The following EWSR1 variants were observed in gnomAD, a reference collection of about 807,000 sequenced individuals.
The protein encoded by EWSR1 is EWS RNA binding protein 1.
Under a neutral mutation model 92.1 loss-of-function variants are expected in EWSR1, and 14 were observed. The ratio of observed to expected loss-of-function variants is 0.15; its 90% CI spans 0.10 to 0.24. EWSR1 has a LOEUF of 0.24. EWSR1 is among the 10% of genes least tolerant of loss of function. The pLI is 1.00. For missense variants in EWSR1, 637 were observed against 870.9 expected, an observed-to-expected ratio of 0.73 and a Z score of 3.38; for synonymous variants, 303 against 292.9, an observed-to-expected ratio of 1.03 and a Z score of -0.35.
At chr22:29,274,604 G>A (rs1210631214) in intron 4 of EWSR1, among the ~76,000 whole-genome samples, 1 of 152,126 alleles carries the variant, frequency 6.6e-6, no homozygotes, top group Admixed American at 6.5e-5. Context: ...TGCATGATGA[G>A]ATTTATTTAG....
intron 1 of EWSR1, chr22:29,269,306 A>G (rs1269794519): frequency 2.0e-5 from 3 of 152,234 alleles, no homozygotes; most frequent in African/African-American, 7.2e-5. Context: ...AGGTCGACAG[A>G]GGAGAGGGGA....
intron 13 of EWSR1, 94 bp from the exon 14 acceptor site, chr22:29,298,639 A>G (rs2061074237): frequency 1.4e-6 from 2 of 1,437,806 alleles, no homozygotes; most frequent in African/African-American, 2.8e-5. Context: ...TGACAGCAGT[A>G]GTATCTGTGG....
At chr22:29,292,390 AGATTTATGAT>A (rs1380350008) in intron 10 of EWSR1, 88 bp from the exon 11 acceptor site, 4 of 980,748 alleles carry the variant, frequency 4.1e-6, no homozygotes, top group Non-Finnish European at 6.4e-6. Context: ...TAGTTTTCTT[AGATTTATGAT>A]GAATATCCTT....
chr22:29,298,160 C>T (rs1409929888), intron 13 of EWSR1, among the ~76,000 whole-genome samples: 1 of 152,164 alleles, frequency 6.6e-6, no homozygotes, highest in Non-Finnish European at 1.5e-5. Context: ...TCCAGACTGC[C>T]ATTTATTCAG....
In EWSR1 at chr22:29,272,367, A is replaced by G; in HGVS notation, c.51-13A>G. Reference sequence around the variant, plus strand: ...GTTCTCTATTCAAGTTATTGCATTTAATTCTTTTGCAGCTACAGTGCTTAC... The same window carrying G: ...GTTCTCTATTCAAGTTATTGCATTTGATTCTTTTGCAGCTACAGTGCTTAC... On this transcript the variant is annotated splice_polypyrimidine_tract_variant and intron_variant, in intron 2 of 16. Transcript: ENST00000397938. 1 of 1,613,956 alleles carries G rather than the reference A, an allele frequency of 6.2e-7. No homozygotes were observed. The highest frequency in any genetic ancestry group is 8.5e-7 in the Non-Finnish European group (1 of 1,179,956).
intron 8 of EWSR1, chr22:29,291,011 C>T (rs1027272420): frequency 4.2e-6 from 1 of 236,736 alleles, no homozygotes; most frequent in Non-Finnish European, 8.3e-6. Context: ...TAAATCTATT[C>T]GTGCCCTGAG....
At chr22:29,286,611 C>T (rs1004554387) in intron 6 of EWSR1, among the ~76,000 whole-genome samples, 3 of 149,320 alleles carry the variant, frequency 2.0e-5, no homozygotes, top group African/African-American at 7.4e-5. Flanking sequence ...GGCATGAACC[C>T]GGGAGGCAGA....
rs1433627815 is a variant in EWSR1 at position 29,299,834 on chromosome 22, A to G, written c.1914A>G (p.Gly638=). Residue 638 remains glycine (G), a synonymous_variant, in exon 16 of 17, where the codon GGA becomes GGG. Coordinates refer to ENST00000397938, the MANE Select transcript of EWSR1 (RefSeq NM_005243.4). The part of the protein sequence containing the change: ...QMGGRRGGRG[G]PGKMDKGEHR... ...GAGGAAGAAGAGGAGGACGTGGAGG[A>G]CCTGGAAAAATGGATAAGTAAGTGC... 5.2e-6 allele frequency: 8 copies of G among 1,547,020 alleles called. No individual in the cohort carries two copies. The South Asian group carries it at 9.7e-5, about 19-fold the overall frequency.
chr22:29,274,357 G>A, intron 4 of EWSR1: 2 of 1,560,916 alleles, frequency 1.3e-6, no homozygotes, highest in South Asian at 1.1e-5. Flanking sequence ...AATCCTTTAG[G>A]TGTTTTCATT....
At chr22:29,290,524 G>C (rs777258654) in intron 8 of EWSR1, 1 of 1,599,494 alleles carries the variant, frequency 6.3e-7, no homozygotes, top group Non-Finnish European at 8.5e-7. Context: ...CATATGGAGA[G>C]GAAAAATATA....
chr22:29,268,413 G>C, intron 1 of EWSR1, 64 bp downstream of exon 1: 1 of 1,613,482 alleles, frequency 6.2e-7, no homozygotes, highest in East Asian at 2.2e-5. Context: ...GGGGTCGTTC[G>C]TCTCTGGGCT....
intron 4 of EWSR1, 38 bp downstream of exon 4, chr22:29,273,902 G>T (rs1191271654): frequency 1.2e-6 from 2 of 1,611,400 alleles, no homozygotes. Flanking sequence ...GGTCGTTCTG[G>T]CTAGGGCATT....
intron 9 of EWSR1, chr22:29,291,843 G>T: frequency 1.7e-6 from 1 of 578,276 alleles, no homozygotes. Context: ...TTTTAAATTT[G>T]GTTTATTTAG....
chr22:29,270,021 T>C lies in EWSR1; in HGVS notation c.13+1672T>C, dbSNP rs77107431. Reference sequence around the variant, plus strand: ...ATAAGTAATCTGGTCCTTAGTTTCCTTTCCTGTAAAATACAGAAGTTAGGC... The same window carrying C: ...ATAAGTAATCTGGTCCTTAGTTTCCCTTCCTGTAAAATACAGAAGTTAGGC... On this transcript the variant is annotated intron_variant, in intron 1 of 16. Coordinates refer to ENST00000397938, the MANE Select transcript of EWSR1 (RefSeq NM_005243.4). Among the ~76,000 whole-genome samples the C allele has an allele frequency of 7.7e-3, 1,169 of 152,326 alleles. 19 individuals carry two copies. Among genetic ancestry groups the C allele is most frequent in the African/African-American group, 0.026 (1,098 of 41,584 alleles).
intron 6 of EWSR1, among the ~76,000 whole-genome samples, chr22:29,286,450 AG>A (rs1172527032): frequency 6.6e-6 from 1 of 151,974 alleles, no homozygotes; most frequent in Non-Finnish European, 1.5e-5. Flanking sequence ...GCACTTTGGG[AG>A]GCCGAGGTGG....
chr22:29,287,198 A>AT (rs999662389), intron 7 of EWSR1, 64 bp downstream of exon 7: 51 of 1,493,814 alleles, frequency 3.4e-5, no homozygotes, highest in African/African-American at 5.6e-5. Context: ...TGTGGGGTTG[A>AT]TTTTTTTTGT....
At chr22:29,270,024 C>G (rs1373895774) in intron 1 of EWSR1, among the ~76,000 whole-genome samples, 2 of 152,168 alleles carry the variant, frequency 1.3e-5, no homozygotes, top group African/African-American at 4.8e-5. Flanking sequence ...AGTTTCCTTT[C>G]CTGTAAAATA....
At chr22:29,273,429 A>C (rs1424732022) in intron 3 of EWSR1, among the ~76,000 whole-genome samples, 2 of 152,112 alleles carry the variant, frequency 1.3e-5, no homozygotes, top group Non-Finnish European at 2.9e-5. Context: ...TGTCTTGTTA[A>C]TCTCATGTAT....
intron 4 of EWSR1, chr22:29,276,406 C>G: frequency 4.5e-6 from 1 of 222,612 alleles, no homozygotes; most frequent in Non-Finnish European, 9.0e-6. Context: ...AAGGACATTA[C>G]TATCTCTGTG....
Sources: gnomAD v4.1 joint callset for allele counts (sites outside exome capture counted in the v4.1 genomes callset) on GRCh38, gnomAD v4.1.1 for gene constraint, MANE v1.5 for transcripts, NCBI Gene and HGNC (gene_info 2026-07-23, HGNC 2026-07-21) for gene names.